SH3GL2: variants seen among roughly 807,000 people sequenced by gnomAD.
The protein encoded by SH3GL2 is endophilin-A1.
SH3GL2 carries 24 observed loss-of-function variants against 46.0 expected under a neutral mutation model. The observed-to-expected ratio is 0.52, with a 90% confidence interval of 0.38 to 0.73. The LOEUF is 0.73. Ranked by LOEUF, SH3GL2 falls within the 30% of genes least tolerant of loss-of-function variation. SH3GL2 has a pLI of 0.00. For synonymous variants in SH3GL2, 196 were observed against 147.1 expected, an observed-to-expected ratio of 1.33 and a Z score of -2.40; for missense variants, 413 against 424.2, an observed-to-expected ratio of 0.97 and a Z score of 0.23.
At position 17,795,845 on chromosome 9, in the gene SH3GL2, T is replaced by A; in HGVS notation, c.*102T>A. 1 of 914,180 alleles carries A rather than the reference T, an allele frequency of 1.1e-6. No individual in the cohort carries two copies. The highest frequency in any genetic ancestry group is 1.7e-6 in the Non-Finnish European group (1 of 593,988). 56.6% of individuals were successfully genotyped at this position (914,180 alleles called of 1,614,324 possible). A position where few individuals can be genotyped will look rare whatever the true frequency, so the allele number is the denominator to read the frequency against. On this transcript the variant is annotated 3_prime_UTR_variant, in exon 9 of 9. Transcript: ENST00000380607. ...AACACATCCCAAGTGCAGGCCGCAG[T>A]GGTCCACGTCATCCAGCCCCACCAA...
At chr9:17,705,484 A>G (rs1336957117) in intron 1 of SH3GL2, among the ~76,000 whole-genome samples, 8 of 151,962 alleles carry the variant, frequency 5.3e-5, no homozygotes, top group Non-Finnish European at 1.5e-5. Flanking sequence ...AAGACATAGA[A>G]TCAACCTAAA....
intron 1 of SH3GL2, among the ~76,000 whole-genome samples, chr9:17,616,835 CTTAT>C (rs752533262): frequency 1.3e-5 from 2 of 152,062 alleles, no homozygotes; most frequent in South Asian, 2.1e-4. Flanking sequence ...AGTTTATGCA[CTTAT>C]TTGTTACTTT....
rs72713396 is a variant in SH3GL2 at position 17,666,787 on chromosome 9, G to A, written c.46-80279G>A. Among the ~76,000 whole-genome samples, 1,418 of 152,052 alleles carry A rather than the reference G, an allele frequency of 9.3e-3. 13 individuals carry two copies. The highest frequency in any genetic ancestry group is 0.015 in the Non-Finnish European group (1,003 of 67,940). On this transcript the variant is annotated intron_variant, in intron 1 of 8. Coordinates refer to ENST00000380607, the MANE Select transcript of SH3GL2 (RefSeq NM_003026.5). ...TGGGTAACTTCCTGGAAGTAATATTGCTAGATCAAAAGGTAAATGTAAGTA... is the reference window on the plus strand; with the variant it reads ...TGGGTAACTTCCTGGAAGTAATATTACTAGATCAAAAGGTAAATGTAAGTA...
intron 1 of SH3GL2, among the ~76,000 whole-genome samples, chr9:17,604,665 C>G (rs1273792318): frequency 6.6e-6 from 1 of 152,138 alleles, no homozygotes. Context: ...AGTGGAGTAC[C>G]TGACAGAGCA....
intron 1 of SH3GL2, among the ~76,000 whole-genome samples, chr9:17,629,405 A>G (rs963925026): frequency 6.6e-6 from 1 of 152,208 alleles, no homozygotes; most frequent in African/African-American, 2.4e-5. Flanking sequence ...TCTCTGAAAT[A>G]CTTATTGAAT....
At chr9:17,769,301 C>A (rs1380828444) in intron 3 of SH3GL2, among the ~76,000 whole-genome samples, 2 of 152,142 alleles carry the variant, frequency 1.3e-5, no homozygotes, top group Admixed American at 6.5e-5. Context: ...TGCAAAGAGC[C>A]CAATTCTATT....
At chr9:17,669,140 T>C (rs576047901) in intron 1 of SH3GL2, among the ~76,000 whole-genome samples, 6 of 152,334 alleles carry the variant, frequency 3.9e-5, no homozygotes, top group African/African-American at 1.4e-4. Context: ...TCATATGCAG[T>C]TGTAAGAAAT....
chr9:17,676,807 C>T (rs992335901), intron 1 of SH3GL2, among the ~76,000 whole-genome samples: 1 of 152,212 alleles, frequency 6.6e-6, no homozygotes, highest in Non-Finnish European at 1.5e-5. Flanking sequence ...TGAGTCATAA[C>T]AGATGCTTCT....
At chr9:17,699,459 C>T (rs189648590) in intron 1 of SH3GL2, among the ~76,000 whole-genome samples, 42 of 152,282 alleles carry the variant, frequency 2.8e-4, no homozygotes, top group African/African-American at 9.9e-4. Flanking sequence ...CCTAGTTTGT[C>T]AGCCCCCTAA....
In SH3GL2 at chr9:17,579,155, C is replaced by A; in HGVS notation, c.-88C>A. On this transcript the variant is annotated 5_prime_UTR_variant, in exon 1 of 9. Transcript: ENST00000380607. ...CGGCGGCGGCACGACCAGAGGCGGC[C>A]AGGGGAGCGCGCCGCCCCGCTCGGC... is the stretch of plus-strand genomic sequence containing the variant. 2 of 947,878 alleles carry A rather than the reference C, an allele frequency of 2.1e-6. No individual in the cohort carries two copies. Among genetic ancestry groups the A allele is most frequent in the South Asian group, 3.7e-5 (2 of 53,704 alleles). 58.7% of individuals were successfully genotyped at this position (947,878 alleles called of 1,614,324 possible).
chr9:17,738,267 G>C (rs1822399603), intron 1 of SH3GL2, among the ~76,000 whole-genome samples: 1 of 151,426 alleles, frequency 6.6e-6, no homozygotes, highest in South Asian at 2.1e-4. Flanking sequence ...AATGGAACTT[G>C]CACCAAAATA....
chr9:17,657,448 C>T (rs114610132), intron 1 of SH3GL2, among the ~76,000 whole-genome samples: 86 of 152,208 alleles, frequency 5.7e-4, no homozygotes, highest in African/African-American at 2.0e-3. Context: ...GTGGTTGTAC[C>T]ACAAACAGAG....
intron 1 of SH3GL2, among the ~76,000 whole-genome samples, chr9:17,680,980 C>G (rs1430880399): frequency 1.3e-5 from 2 of 152,142 alleles, no homozygotes; most frequent in Non-Finnish European, 2.9e-5. Flanking sequence ...TTTGATTTTA[C>G]TGTGGTCTGA....
chr9:17,766,648 AC>A (rs1026276174), intron 3 of SH3GL2, among the ~76,000 whole-genome samples: 1 of 152,130 alleles, frequency 6.6e-6, no homozygotes, highest in African/African-American at 2.4e-5. Flanking sequence ...AATATTAACC[AC>A]TATTAAAAAT....
chr9:17,612,141 C>T (rs142191489), intron 1 of SH3GL2, among the ~76,000 whole-genome samples: 18 of 152,168 alleles, frequency 1.2e-4, no homozygotes, highest in African/African-American at 4.1e-4. Flanking sequence ...TCCGGCTCTT[C>T]AAGGGTGGCA....
intron 1 of SH3GL2, among the ~76,000 whole-genome samples, chr9:17,640,075 G>A (rs1819638493): frequency 6.6e-6 from 1 of 151,996 alleles, no homozygotes; most frequent in Non-Finnish European, 1.5e-5. Context: ...AAGGTTGTGT[G>A]CAATTATGAA....
At chr9:17,689,416 T>C (rs952061441) in intron 1 of SH3GL2, among the ~76,000 whole-genome samples, 1 of 152,088 alleles carries the variant, frequency 6.6e-6, no homozygotes, top group Non-Finnish European at 1.5e-5. Flanking sequence ...CATAATAATA[T>C]ATCAATATTG....
intron 1 of SH3GL2, among the ~76,000 whole-genome samples, chr9:17,695,536 C>A (rs987961467): frequency 6.6e-6 from 1 of 152,234 alleles, no homozygotes; most frequent in Non-Finnish European, 1.5e-5. Context: ...TCTCAATATA[C>A]TCCTCAGATG....
intron 1 of SH3GL2, among the ~76,000 whole-genome samples, chr9:17,621,957 T>C (rs1259378173): frequency 2.6e-5 from 4 of 152,226 alleles, no homozygotes; most frequent in African/African-American, 9.6e-5. Context: ...GCCTCAGTTT[T>C]CCACAGTGAA....
Sources: allele counts gnomAD v4.1 joint callset (sites outside exome capture counted in the v4.1 genomes callset), GRCh38; gene constraint gnomAD v4.1.1; transcripts MANE v1.5; gene names NCBI Gene and HGNC (gene_info 2026-07-23, HGNC 2026-07-21).